AGBL1: variants seen among roughly 807,000 people sequenced by gnomAD.
AGBL1 encodes the protein cytosolic carboxypeptidase 4.
AGBL1 carries 130 observed loss-of-function variants against 118.9 expected under a neutral mutation model. That is an observed-to-expected ratio of 1.09 (90% CI 0.95 to 1.26). AGBL1 has a LOEUF of 1.26. Ranked by LOEUF, AGBL1 falls within the 50% of genes most tolerant of loss-of-function variation. AGBL1 has a pLI of 0.00. For missense variants in AGBL1, 1,584 were observed against 1,298.1 expected (o/e 1.22, Z -3.38); for synonymous variants, 555 against 478.9 (o/e 1.16, Z -2.08).
At chr15:87,027,456 AT>A (rs2081742108) in intron 24 of AGBL1, among the ~76,000 whole-genome samples, 1 of 37,710 alleles carries the variant, frequency 2.7e-5, no homozygotes, top group Non-Finnish European at 4.2e-5. Flanking sequence ...TATTATATAG[AT>A]GTATTATGCA....
chr15:86,239,015 G>A (rs1027026946), intron 6 of AGBL1, among the ~76,000 whole-genome samples: 2 of 152,160 alleles, frequency 1.3e-5, no homozygotes, highest in African/African-American at 4.8e-5. Context: ...TGGGGGAAGA[G>A]CAGAGATGTG....
At chr15:86,392,061 G>T (rs2081295887) in intron 17 of AGBL1, among the ~76,000 whole-genome samples, 1 of 152,004 alleles carries the variant, frequency 6.6e-6, no homozygotes, top group African/African-American at 2.4e-5. Context: ...CTCTAAAAAA[G>T]TAAACATTCC....
At chr15:86,243,061 A>G (rs2078664489) in intron 6 of AGBL1, among the ~76,000 whole-genome samples, 1 of 152,202 alleles carries the variant, frequency 6.6e-6, no homozygotes, top group Non-Finnish European at 1.5e-5. Flanking sequence ...CAACCTGTGG[A>G]CTGCTTGCCC....
intron 1 of AGBL1, among the ~76,000 whole-genome samples, chr15:86,140,423 G>C (rs2076947988): frequency 6.6e-6 from 1 of 152,036 alleles, no homozygotes; most frequent in South Asian, 2.1e-4. Context: ...GGCCTCCTTG[G>C]AGTTCTTTTT....
At chr15:86,229,810 A>T (rs2078426544) in intron 6 of AGBL1, among the ~76,000 whole-genome samples, 1 of 152,198 alleles carries the variant, frequency 6.6e-6, no homozygotes, top group Non-Finnish European at 1.5e-5. Context: ...ATGAATCTTC[A>T]AATAATGTCT....
intron 3 of AGBL1, among the ~76,000 whole-genome samples, chr15:86,147,613 A>G (rs1265414914): frequency 2.6e-5 from 4 of 152,170 alleles, no homozygotes; most frequent in Non-Finnish European, 5.9e-5. Flanking sequence ...GGAAGCTCCA[A>G]CTGGGTAGAG....
At chr15:86,091,505 A>G (rs1459013048) in intron 1 of AGBL1, among the ~76,000 whole-genome samples, 10 of 152,232 alleles carry the variant, frequency 6.6e-5, no homozygotes, top group Non-Finnish European at 1.3e-4. Context: ...CTGCCTATGC[A>G]GTTATGCCTA....
chr15:86,496,448 A>G (rs2082856491), intron 18 of AGBL1, among the ~76,000 whole-genome samples: 1 of 152,076 alleles, frequency 6.6e-6, no homozygotes, highest in Non-Finnish European at 1.5e-5. Flanking sequence ...GTATGCATCC[A>G]GCAGAGATGA....
chr15:86,713,524 G>A (rs938607567), intron 22 of AGBL1, among the ~76,000 whole-genome samples: 1 of 152,146 alleles, frequency 6.6e-6, no homozygotes, highest in Non-Finnish European at 1.5e-5. Context: ...AGTGCCCATA[G>A]AGCACTAGAC....
chr15:86,578,614 A>G (rs28711622), intron 21 of AGBL1, among the ~76,000 whole-genome samples: 284 of 152,246 alleles, frequency 1.9e-3, no homozygotes, highest in African/African-American at 6.6e-3. Context: ...TTGAATTCCC[A>G]CATGTTTTGG....
intron 22 of AGBL1, among the ~76,000 whole-genome samples, chr15:86,892,186 C>T (rs946166353): frequency 6.6e-6 from 1 of 152,066 alleles, no homozygotes; most frequent in Non-Finnish European, 1.5e-5. Flanking sequence ...CCTCATTAAC[C>T]CACTCTCTCC....
chr15:86,554,296 T>C (rs2083702049), intron 20 of AGBL1, 65 bp from the exon 21 acceptor site: 23 of 1,359,422 alleles, frequency 1.7e-5, no homozygotes, highest in African/African-American at 3.0e-5. Context: ...TGAGAAGCTA[T>C]TTTTATGATG....
intron 3 of AGBL1, among the ~76,000 whole-genome samples, chr15:86,151,897 A>G (rs904781897): frequency 6.6e-6 from 1 of 152,214 alleles, no homozygotes. Flanking sequence ...GAGCCAAATC[A>G]TGAGTGAACT....
intron 22 of AGBL1, among the ~76,000 whole-genome samples, chr15:86,790,502 C>T (rs1432789499): frequency 3.3e-5 from 5 of 152,166 alleles, no homozygotes; most frequent in Admixed American, 1.3e-4. Flanking sequence ...ACTATAGGAC[C>T]TGCAAGCTAG....
intron 5 of AGBL1, among the ~76,000 whole-genome samples, chr15:86,177,390 T>C (rs2077495559): frequency 6.6e-6 from 1 of 152,150 alleles, no homozygotes; most frequent in Non-Finnish European, 1.5e-5. Context: ...ATAGAATAAG[T>C]AGAGAGAAAA....
intron 17 of AGBL1, among the ~76,000 whole-genome samples, chr15:86,387,116 G>A (rs552897748): frequency 6.6e-5 from 10 of 152,280 alleles, no homozygotes; most frequent in African/African-American, 2.4e-4. Flanking sequence ...CACATGGTGA[G>A]TTGTACACAG....
At chr15:86,176,093 A>G (rs763263362) in intron 5 of AGBL1, among the ~76,000 whole-genome samples, 4 of 152,190 alleles carry the variant, frequency 2.6e-5, no homozygotes, top group Non-Finnish European at 4.4e-5. Flanking sequence ...TGAATTCCCC[A>G]ACTATTATTG....
At position 86,628,583 on chromosome 15, in the gene AGBL1, C is replaced by T. The variant is rs148312970; in HGVS notation, c.2995-45690C>T. 5.2e-3 allele frequency among the ~76,000 whole-genome samples: 786 copies of T among 151,950 alleles called. 4 individuals carry two copies. The highest frequency in any genetic ancestry group is 0.018 in the African/African-American group (755 of 41,440). On this transcript the variant is annotated intron_variant, in intron 21 of 22. Transcript: ENST00000614907. The stretch of plus-strand genomic sequence containing the variant: ...AGGCCGAGGTGGGTGGATCAGGAGG[C>T]AAGGAGATCGAGACCACCCTGGCTA...
chr15:86,438,853 G>A (rs1016691219), intron 18 of AGBL1, among the ~76,000 whole-genome samples: 2 of 151,704 alleles, frequency 1.3e-5, no homozygotes, highest in African/African-American at 4.8e-5. Context: ...GTAGAATCGG[G>A]GTTTCACCAT....
Sources: allele counts gnomAD v4.1 joint callset (sites outside exome capture counted in the v4.1 genomes callset), GRCh38; gene constraint gnomAD v4.1.1; transcripts MANE v1.5; gene names NCBI Gene and HGNC (gene_info 2026-07-23, HGNC 2026-07-21).